NPHS1: variants seen among roughly 807,000 people sequenced by gnomAD.
The protein encoded by NPHS1 is nephrin.
NPHS1 carries 107 observed loss-of-function variants against 139.7 expected under a neutral mutation model. The observed-to-expected ratio is 0.77, with a 90% CI of 0.66 to 0.90. NPHS1 has a LOEUF of 0.90. Among genes scored for constraint, NPHS1 ranks in the 40% least tolerant of loss-of-function variants. NPHS1 has a pLI of 0.00. For missense variants in NPHS1, 1,580 were observed against 1,654.2 expected (o/e 0.96, Z 0.78); for synonymous variants, 707 against 706.6 (o/e 1.00, Z -0.01).
Position 35,826,332 on chromosome 19 carries a change from T to C in NPHS1, c.*182A>G. The C allele has an allele frequency of 3.0e-6, 2 of 666,834 alleles. No homozygotes were observed. Among genetic ancestry groups the C allele is most frequent in the Non-Finnish European group, 5.2e-6 (2 of 385,034 alleles). 41.3% of individuals were successfully genotyped at this position (666,834 alleles called of 1,614,324 possible). On this transcript the variant is annotated 3_prime_UTR_variant, in exon 29 of 29. Transcript: ENST00000378910. Reference sequence around the variant, plus strand: ...CTAAAGCCAACCCCAGGATGCACCTTGTTTCTACTCTGGTACCAGCTGAAC... The same window carrying C: ...CTAAAGCCAACCCCAGGATGCACCTCGTTTCTACTCTGGTACCAGCTGAAC...
At position 35,831,055 on chromosome 19, in the gene NPHS1, C is replaced by G. The variant is rs147417123; in HGVS notation, c.3479G>C (p.Arg1160Pro). The G allele has an allele frequency of 6.8e-6, 11 of 1,613,968 alleles. No individual in the cohort carries two copies. The highest frequency in any genetic ancestry group is 8.5e-6 in the Non-Finnish European group (10 of 1,179,988). Residue 1160 changes from arginine to proline, a missense_variant and splice_region_variant, in exon 27 of 29, where the codon CGA (arginine) becomes CCA (proline). By Grantham distance (103) the Arg-to-Pro change is moderately radical. Transcript: ENST00000378910. Reference sequence around the variant, plus strand: ...ATCCTGACATGGTCCTAACTCACCTCGGGAATAAGACACCTCCTCCTGCGT... The same window carrying G: ...ATCCTGACATGGTCCTAACTCACCTGGGGAATAAGACACCTCCTCCTGCGT... ...PPTQEEVSYS[R>P]GFTGEDEDMA...
rs549498852 is a variant in NPHS1 at position 35,831,209 on chromosome 19, G to A, written c.3388-63C>T. ...TCCTCTGACCCCACTGTGCCCGGAA[G>A]GGCAATGATCAACCTGATGCTAACG... On this transcript the variant is annotated intron_variant, in intron 26 of 28. Transcript: ENST00000378910. 677 of 1,610,094 alleles carry A rather than the reference G, an allele frequency of 4.2e-4. 2 individuals carry two copies. The African/African-American group carries it at 8.3e-3, about 20-fold the overall frequency.
Position 35,850,373 on chromosome 19 carries a change from G to T in NPHS1, c.599C>A (p.Ala200Asp). The T allele has an allele frequency of 6.2e-7, 1 of 1,613,832 alleles. No individual in the cohort carries two copies. Among genetic ancestry groups the T allele is most frequent in the Non-Finnish European group, 8.5e-7 (1 of 1,179,718 alleles). The change falls in exon 5 of 29, where the codon GCC becomes GAC. Residue 200 changes from alanine (A) to aspartate (D), a missense_variant. By Grantham distance (126) the Ala-to-Asp change is moderately radical (BLOSUM62 -2). Transcript: ENST00000378910. ...GSQQKLFTVEATARVTPRSSD... is the reference protein window; with the variant it reads ...GSQQKLFTVEDTARVTPRSSD... ...GTTTCAGTTTCCACACCTGGCTGTG[G>T]CCTCCACAGTGAAGAGTTTCTGCTG...
rs747037078 is a variant in NPHS1 at position 35,842,363 on chromosome 19, T to G, written c.2506+16A>C. 3 of 1,613,336 alleles carry G rather than the reference T, an allele frequency of 1.9e-6. No individual in the cohort carries two copies. The Admixed American group carries it at 5.0e-5, about 27-fold the overall frequency. On this transcript the variant is annotated intron_variant, in intron 18 of 28. Coordinates refer to ENST00000378910, the MANE Select transcript of NPHS1 (RefSeq NM_004646.4). ...CAGTGGCAGGTCTTGAAGTCAGGTG[T>G]TTGGGTAATACCCACATCTGACAAC...
chr19:35,834,339 C>A (rs1568450152), intron 23 of NPHS1, among the ~76,000 whole-genome samples: 1 of 152,154 alleles, frequency 6.6e-6, no homozygotes, highest in Non-Finnish European at 1.5e-5. Flanking sequence ...GGGGGCAACC[C>A]TAGACCACCC....
chr19:35,831,250 C>T (rs1972876491), intron 26 of NPHS1, 46 bp downstream of exon 26: 1 of 1,609,986 alleles, frequency 6.2e-7, no homozygotes, highest in African/African-American at 1.3e-5. Context: ...GCTTCAGTCG[C>T]CGTCGGTGCC....
intron 23 of NPHS1, among the ~76,000 whole-genome samples, chr19:35,833,046 G>A (rs965630355): frequency 4.0e-4 from 40 of 99,516 alleles, no homozygotes; most frequent in African/African-American, 1.1e-3. Flanking sequence ...CACCACACCC[G>A]GCTAATTTTT....
At chr19:35,830,134 C>T (rs1180469340) in intron 28 of NPHS1, among the ~76,000 whole-genome samples, 1 of 152,234 alleles carries the variant, frequency 6.6e-6, no homozygotes, top group Non-Finnish European at 1.5e-5. Context: ...CTTCCTTCCA[C>T]AGTAGCAGAA....
At position 35,851,840 on chromosome 19, in the gene NPHS1, C is replaced by G. The variant is rs1039683723; in HGVS notation, c.-3G>C. The G allele has an allele frequency of 6.4e-7, 1 of 1,551,138 alleles. No individual in the cohort carries two copies. Among genetic ancestry groups the G allele is most frequent in the Non-Finnish European group, 8.7e-7 (1 of 1,147,034 alleles). ...CTGAGCGTCGTCCCCAGGGCCATCA[C>G]AGGTCCCCCTACTGTGACCCCCACA... On this transcript the variant is annotated 5_prime_UTR_variant, in exon 1 of 29. Transcript: ENST00000378910.
In NPHS1 at chr19:35,826,446, G is replaced by T. The variant is rs530440119; in HGVS notation, c.*68C>A. 1.4e-5 allele frequency: 22 copies of T among 1,595,626 alleles called. No individual in the cohort carries two copies. The highest frequency in any genetic ancestry group is 1.9e-5 in the Non-Finnish European group (22 of 1,165,116). ...AGCTCACCTAACCAGCTCGGCCCAG[G>T]CTGTAATGAGAGAGACCAGTGGAGT... On this transcript the variant is annotated 3_prime_UTR_variant, in exon 29 of 29. Coordinates refer to ENST00000378910, the MANE Select transcript of NPHS1 (RefSeq NM_004646.4).
In NPHS1 at chr19:35,831,491, T is replaced by G; in HGVS notation, c.3296A>C (p.Glu1099Ala). ...RLRRLAEGISEKTEAGSEEDR... is the reference protein window; with the variant it reads ...RLRRLAEGISAKTEAGSEEDR... ...CCCCACTTACCCTGCCTCTGTCTTCTCTGAGATGCCTGAAGGAAACAGGAA... is the reference window on the plus strand; with the variant it reads ...CCCCACTTACCCTGCCTCTGTCTTCGCTGAGATGCCTGAAGGAAACAGGAA... Residue 1099 changes from glutamate to alanine, a missense_variant, in exon 25 of 29, where the codon GAG (glutamate) becomes GCG (alanine). Transcript: ENST00000378910. 6.2e-7 allele frequency: 1 copy of G among 1,613,730 alleles called. No individual in the cohort carries two copies. The highest frequency in any genetic ancestry group is 1.1e-5 in the South Asian group (1 of 91,056).
rs1201392681 is a variant in NPHS1 at position 35,843,571 on chromosome 19, G to A, written c.2235C>T (p.Leu745=). 4 of 1,614,168 alleles carry A rather than the reference G, an allele frequency of 2.5e-6. No homozygotes were observed. The highest frequency in any genetic ancestry group is 3.3e-5 in the Admixed American group (2 of 60,030). Residue 745 remains leucine, a synonymous_variant, in exon 17 of 29, where the codon CTC becomes CTT. Transcript: ENST00000378910. ...DVHYAPTIRA[L]QDPTEVNVGG... is the part of the protein sequence containing the mutation. ...CGACGTTCACCTCAGTGGGGTCCTGGAGGGCACGGATGGTGGGAGCATCTG... is the reference window on the plus strand; with the variant it reads ...CGACGTTCACCTCAGTGGGGTCCTGAAGGGCACGGATGGTGGGAGCATCTG...
Position 35,846,098 on chromosome 19 carries a change from G to C in NPHS1, c.1537C>G (p.Leu513Val). 6.3e-7 allele frequency: 1 copy of C among 1,596,734 alleles called. No homozygotes were observed. Among genetic ancestry groups the C allele is most frequent in the Non-Finnish European group, 8.5e-7 (1 of 1,172,288 alleles). The change falls in exon 12 of 29, where the codon CTG becomes GTG. Residue 513 changes from leucine to valine, a missense_variant. By Grantham distance (32) the Leu-to-Val change is conservative. Transcript: ENST00000378910. ...EKSGSTFSRELVLVTGPSDNQ... is the reference protein window; with the variant it reads ...EKSGSTFSREVVLVTGPSDNQ... Reference sequence around the variant, plus strand: ...TCCGACGGCCCTGTGACCAGCACCAGCTCTCGGGAGAAGGTGCTCCCAGAT... The same window carrying C: ...TCCGACGGCCCTGTGACCAGCACCACCTCTCGGGAGAAGGTGCTCCCAGAT...
chr19:35,844,077 T>A (rs1973099571), intron 16 of NPHS1, 26 bp downstream of exon 16: 1 of 1,603,868 alleles, frequency 6.2e-7, no homozygotes, highest in East Asian at 2.2e-5. Context: ...TGGGTGGGTG[T>A]GGTTTCCATG....
At chr19:35,831,957 A>G (rs930731631) in intron 23 of NPHS1, among the ~76,000 whole-genome samples, 195 bp from the exon 24 acceptor site, 1 of 152,194 alleles carries the variant, frequency 6.6e-6, no homozygotes, top group African/African-American at 2.4e-5. Context: ...GCCATTAGCA[A>G]AACTTCCTCC....
rs1276713543 is a variant in NPHS1, at chr19:35,852,035, AT to A, written c.-199del. On this transcript the variant is annotated 5_prime_UTR_variant, in exon 1 of 29. Coordinates refer to ENST00000378910, the MANE Select transcript of NPHS1 (RefSeq NM_004646.4). ...TCTCTCTGTCTTGCTCTCAGTCTCAATCTCTGAGTCTCTTTCTCTGTCTCTT... is the reference window on the plus strand; with the variant it reads ...TCTCTCTGTCTTGCTCTCAGTCTCAACTCTGAGTCTCTTTCTCTGTCTCTT... Among the ~76,000 whole-genome samples, 1 of 145,050 alleles carries A rather than the reference AT, an allele frequency of 6.9e-6. No individual in the cohort carries two copies. Among genetic ancestry groups the A allele is most frequent in the Non-Finnish European group, 1.5e-5 (1 of 65,928 alleles).
At chr19:35,844,529 G>T in intron 14 of NPHS1, 70 bp from the exon 15 acceptor site, 1 of 1,503,906 alleles carries the variant, frequency 6.6e-7, no homozygotes. Flanking sequence ...TTGGAGATCA[G>T]GCACAGGTTC....
intron 20 of NPHS1, among the ~76,000 whole-genome samples, chr19:35,840,996 C>T (rs1339990496): frequency 6.6e-6 from 1 of 151,590 alleles, no homozygotes; most frequent in Admixed American, 6.6e-5. Flanking sequence ...TTTCATACTA[C>T]TGTTAGGAAG....
rs759936184 is a variant in NPHS1, at chr19:35,844,239, G to A, written c.2076C>T (p.Gly692=). Residue 692 remains glycine (G), a synonymous_variant, in exon 16 of 29, where the codon GGC becomes GGT. Transcript: ENST00000378910. The part of the protein sequence containing the change: ...TFRGYRLSPA[G]GPRHRILSSG... Reference sequence around the variant, plus strand: ...TGGACAGGATGCGATGCCGGGGGCCGCCCGCTGGGGAAGGCCAGAATAAGG... The same window carrying A: ...TGGACAGGATGCGATGCCGGGGGCCACCCGCTGGGGAAGGCCAGAATAAGG... The A allele has an allele frequency of 6.2e-7, 1 of 1,613,212 alleles. No homozygotes were observed. The highest frequency in any genetic ancestry group is 8.5e-7 in the Non-Finnish European group (1 of 1,179,880).
Sources: gnomAD v4.1 joint callset for allele counts (sites outside exome capture counted in the v4.1 genomes callset) on GRCh38, gnomAD v4.1.1 for gene constraint, MANE v1.5 for transcripts, NCBI Gene and HGNC (gene_info 2026-07-23, HGNC 2026-07-21) for gene names.